PEX5L: variants seen among roughly 807,000 people sequenced by gnomAD.
The protein encoded by PEX5L is peroxisomal biogenesis factor 5 like.
Under a neutral mutation model 84.0 loss-of-function variants are expected in PEX5L, and 30 were observed. The ratio of observed to expected loss-of-function variants is 0.36; its 90% confidence interval spans 0.27 to 0.48. The LOEUF (loss-of-function observed/expected upper bound fraction) is 0.48, where lower values mean the gene tolerates loss of function less well. Among genes scored for constraint, PEX5L ranks in the 20% least tolerant of loss-of-function variants. PEX5L has a pLI of 0.99. For synonymous variants in PEX5L, 270 were observed against 283.1 expected, an observed-to-expected ratio of 0.95 and a Z score of 0.46; for missense variants, 533 against 754.6, an observed-to-expected ratio of 0.71 and a Z score of 3.44.
chr3:179,863,949 C>G (rs943091063), intron 7 of PEX5L, among the ~76,000 whole-genome samples: 5 of 152,194 alleles, frequency 3.3e-5, no homozygotes, highest in Admixed American at 3.3e-4. Context: ...CTGTGCTGCT[C>G]TTATGATAGT....
chr3:179,814,948 T>G (rs1725463610), intron 10 of PEX5L, among the ~76,000 whole-genome samples: 1 of 152,132 alleles, frequency 6.6e-6, no homozygotes, highest in Admixed American at 6.5e-5. Flanking sequence ...AACAAAAACT[T>G]GACTCCCCTA....
At position 179,900,562 on chromosome 3, in the gene PEX5L, C is replaced by G. The variant is rs1760955609; in HGVS notation, c.94-2316G>C. 6.6e-6 allele frequency: 5 copies of G among 755,854 alleles called. No homozygotes were observed. The South Asian group carries it at 8.4e-5, about 13-fold the overall frequency. 46.8% of individuals were successfully genotyped at this position (755,854 alleles called of 1,614,324 possible). On this transcript the variant is annotated intron_variant, in intron 2 of 14. Transcript: ENST00000467460. ...CACTAAAACAAAAACAAAAACAAAACAAAAATTAGTCCTTTCATGCTGAAC... is the reference window on the plus strand; with the variant it reads ...CACTAAAACAAAAACAAAAACAAAAGAAAAATTAGTCCTTTCATGCTGAAC...
At chr3:179,820,566 G>C (rs1325331041) in intron 8 of PEX5L, 1 of 152,266 alleles carries the variant, frequency 6.6e-6, no homozygotes, top group East Asian at 1.9e-4. Context: ...AAAGAATGAG[G>C]GACCCTGGTG....
At chr3:179,826,345 A>G (rs1024871632) in intron 8 of PEX5L, among the ~76,000 whole-genome samples, 2 of 152,240 alleles carry the variant, frequency 1.3e-5, no homozygotes, top group Non-Finnish European at 2.9e-5. Flanking sequence ...GTCACTTTTG[A>G]AAGGCTTTTA....
chr3:179,914,876 T>A (rs925645262), intron 2 of PEX5L, among the ~76,000 whole-genome samples: 1 of 152,194 alleles, frequency 6.6e-6, no homozygotes, highest in African/African-American at 2.4e-5. Context: ...GCAGTGATAG[T>A]GAAAATCATA....
At chr3:179,859,193 GA>G (rs751937423) in intron 7 of PEX5L, 36 bp from the exon 8 acceptor site, 1 of 1,409,790 alleles carries the variant, frequency 7.1e-7, no homozygotes, top group African/African-American at 1.4e-5. Flanking sequence ...TATAATATTA[GA>G]ATCACATGTT....
chr3:180,035,499 G>A (rs919603510), intron 1 of PEX5L, among the ~76,000 whole-genome samples: 4 of 152,184 alleles, frequency 2.6e-5, no homozygotes, highest in African/African-American at 9.7e-5. Context: ...TAAAAATTGA[G>A]ACTATGATGA....
chr3:180,003,263 C>G (rs900603738), intron 1 of PEX5L, among the ~76,000 whole-genome samples: 1 of 152,074 alleles, frequency 6.6e-6, no homozygotes, highest in Non-Finnish European at 1.5e-5. Flanking sequence ...TGGAAAACAT[C>G]TGGGATTTAA....
chr3:179,961,195 ATGTGTATGTG>A (rs1357867006), intron 2 of PEX5L, among the ~76,000 whole-genome samples: 14 of 139,910 alleles, frequency 1.0e-4, no homozygotes, highest in Middle Eastern at 3.5e-3. Context: ...TCACTTGTGT[ATGTGTATGTG>A]TGTGTGTGTG....
chr3:179,890,788 G>A (rs1757369145), intron 3 of PEX5L, among the ~76,000 whole-genome samples: 1 of 152,000 alleles, frequency 6.6e-6, no homozygotes, highest in African/African-American at 2.4e-5. Flanking sequence ...GGAAGACCAG[G>A]GTGTTAGATT....
At position 179,859,124 on chromosome 3, in the gene PEX5L, C is replaced by T. The variant is rs201578066; in HGVS notation, c.760G>A (p.Ala254Thr). 56 of 1,613,800 alleles carry T rather than the reference C, an allele frequency of 3.5e-5. No individual in the cohort carries two copies. The highest frequency in any genetic ancestry group is 2.7e-4 in the East Asian group (12 of 44,894). ...AAGGAGTGGTTTCTAGAAAGTAATG[C>T]GCTTCCCCAGCGATGTTCTTTGGTC... ...RLTKEHRWGS[A>T]LLSRNHSLEE... Residue 254 changes from alanine (A) to threonine (T), a missense_variant, in exon 8 of 15, where the codon GCA becomes ACA. Ala to Thr is a moderately conservative substitution (Grantham distance 58). This residue lies in a region of PEX5L where 259 missense variants were observed against 301.7 expected (regional missense o/e 0.86). Transcript: ENST00000467460.
chr3:180,001,658 TAA>T (rs1186924369), intron 1 of PEX5L, among the ~76,000 whole-genome samples: 13 of 152,222 alleles, frequency 8.5e-5, no homozygotes, highest in Non-Finnish European at 1.9e-4. Flanking sequence ...TTGAAGTCAT[TAA>T]GTTTTAATCA....
At chr3:180,021,519 A>G (rs1790425764) in intron 1 of PEX5L, among the ~76,000 whole-genome samples, 1 of 152,228 alleles carries the variant, frequency 6.6e-6, no homozygotes, top group African/African-American at 2.4e-5. Flanking sequence ...TTGCACTTAG[A>G]AACACTATTA....
At chr3:179,992,000 G>T (rs1375691592) in intron 1 of PEX5L, among the ~76,000 whole-genome samples, 1 of 151,980 alleles carries the variant, frequency 6.6e-6, no homozygotes, top group Non-Finnish European at 1.5e-5. Flanking sequence ...ATTTGTTTTT[G>T]TTCTTAAAAC....
At chr3:179,861,616 C>T (rs148968445) in intron 7 of PEX5L, among the ~76,000 whole-genome samples, 2,601 of 152,240 alleles carry the variant, frequency 0.017, 37 homozygotes, top group Middle Eastern at 0.037. Flanking sequence ...GAACAAGTAG[C>T]CTCCTTCTTT....
intron 7 of PEX5L, among the ~76,000 whole-genome samples, chr3:179,871,160 T>C (rs1750240919): frequency 6.8e-6 from 1 of 146,796 alleles, no homozygotes; most frequent in Non-Finnish European, 1.5e-5. Flanking sequence ...TGGAATGCAG[T>C]AGCACAATCT....
chr3:180,006,845 G>A (rs1268914113), intron 1 of PEX5L, among the ~76,000 whole-genome samples: 2 of 152,240 alleles, frequency 1.3e-5, no homozygotes, highest in East Asian at 3.9e-4. Flanking sequence ...CTCCCCTTGG[G>A]TCCCTCCCAC....
chr3:179,839,510 T>G (rs1736240267), intron 8 of PEX5L, among the ~76,000 whole-genome samples: 1 of 152,212 alleles, frequency 6.6e-6, no homozygotes, highest in African/African-American at 2.4e-5. Context: ...GAGCGCTAGA[T>G]TATTAAATCT....
chr3:179,947,875 T>G (rs1402501954), intron 2 of PEX5L, among the ~76,000 whole-genome samples: 1 of 151,726 alleles, frequency 6.6e-6, no homozygotes, highest in Admixed American at 6.6e-5. Context: ...CCTGGCTAAT[T>G]TTTTGTATTT....
Sources: allele counts gnomAD v4.1 joint callset (sites outside exome capture counted in the v4.1 genomes callset), GRCh38; gene constraint gnomAD v4.1.1; regional missense constraint gnomAD v4.1.1; transcripts MANE v1.5; gene names NCBI Gene and HGNC (gene_info 2026-07-23, HGNC 2026-07-21).